Variants in COL17A1 observed in about 807,000 individuals in gnomAD.
The protein encoded by COL17A1 is collagen type XVII alpha 1 chain.
COL17A1 carries 181 observed loss-of-function variants against 218.4 expected under a neutral mutation model. The observed-to-expected ratio is 0.83, with a 90% CI of 0.73 to 0.94. COL17A1 has a LOEUF of 0.94. Ranked by LOEUF, COL17A1 falls within the 40% of genes least tolerant of loss-of-function variation. The pLI, the probability that COL17A1 is intolerant of heterozygous loss-of-function variation, is 0.00. For synonymous variants in COL17A1, 721 were observed against 731.0 expected, an observed-to-expected ratio of 0.99 and a Z score of 0.22; for missense variants, 1,924 against 1,945.9, an observed-to-expected ratio of 0.99 and a Z score of 0.21.
At chr10:104,048,968 C>T (rs961815994) in intron 29 of COL17A1, among the ~76,000 whole-genome samples, 3 of 152,080 alleles carry the variant, frequency 2.0e-5, no homozygotes, top group Admixed American at 6.5e-5. Flanking sequence ...GGATTACAGG[C>T]GTGAATCACT....
rs59808906 is a variant in COL17A1, at chr10:104,038,231, T to TACACAC, written c.3070+169_3070+174dup. Reference sequence around the variant, plus strand: ...CTGGGCCTGGACACATAGACACACATACACACACACACACACACACACACA... The same window carrying TACACAC: ...CTGGGCCTGGACACATAGACACACATACACACACACACACACACACACACACACACA... On this transcript the variant is annotated intron_variant, in intron 45 of 55. Transcript: ENST00000648076. 3.9e-3 allele frequency among the ~76,000 whole-genome samples: 551 copies of TACACAC among 142,048 alleles called. 3 individuals are homozygous for TACACAC. Among genetic ancestry groups the TACACAC allele is most frequent in the South Asian group, 7.1e-3 (31 of 4,344 alleles). The allele number at this position is 142,048 out of a possible 152,430, so 93.2% of individuals were successfully genotyped here. A position where few individuals can be genotyped will look rare whatever the true frequency, so the allele number is the denominator to read the frequency against.
chr10:104,073,270 T>C lies in COL17A1; in HGVS notation c.380-25A>G, dbSNP rs373092055. 1.1e-5 allele frequency: 17 copies of C among 1,610,796 alleles called. No individual in the cohort carries two copies. The African/African-American group carries it at 1.9e-4, about 18-fold the overall frequency. On this transcript the variant is annotated intron_variant, in intron 6 of 55. Transcript: ENST00000648076. Reference sequence around the variant, plus strand: ...GCTGAGAAACAAAGAAATGCATTTTTAGGCATATATAAGAGGTGGCATGCT... The same window carrying C: ...GCTGAGAAACAAAGAAATGCATTTTCAGGCATATATAAGAGGTGGCATGCT...
In COL17A1 at chr10:104,037,107, C is replaced by T. The variant is rs775373210; in HGVS notation, c.3215G>A (p.Gly1072Glu). ...SHVVSYLRTS[G>E]YGVSLFSSSI... is the part of the protein sequence containing the mutation. ...GGACGAGAACAAGCTGACACCGTAC[C>T]CCGAAGCTGTCGGGAAGAAAACCTC... is the stretch of plus-strand genomic sequence containing the variant. The change falls in exon 47 of 56, where the codon GGG (glycine) becomes GAG (glutamate). Residue 1072 changes from glycine (G) to glutamate (E), a missense_variant. Physicochemically the swap from Gly to Glu is moderately conservative, Grantham distance 98. Transcript: ENST00000648076. 6.2e-7 allele frequency: 1 copy of T among 1,604,840 alleles called. No homozygotes were observed. Among genetic ancestry groups the T allele is most frequent in the African/African-American group, 1.3e-5 (1 of 74,760 alleles).
At chr10:104,055,213 G>T in intron 19 of COL17A1, 159 bp downstream of exon 19, 2 of 1,449,108 alleles carry the variant, frequency 1.4e-6, no homozygotes, top group South Asian at 1.2e-5. Flanking sequence ...AAGATATTCT[G>T]ACTCTAAAAC....
rs1175248378 is a variant in COL17A1, at chr10:104,036,651, A to G, written c.3278-19T>C. The G allele has an allele frequency of 6.2e-7, 1 of 1,612,798 alleles. No individual in the cohort carries two copies. Among genetic ancestry groups the G allele is most frequent in the Non-Finnish European group, 8.5e-7 (1 of 1,179,698 alleles). On this transcript the variant is annotated intron_variant, in intron 47 of 55. Transcript: ENST00000648076. ...TCATCCCCTGGAGAGGAGAGGATGCACTAGCAGGACCCACCCAGGCCATGG... is the reference window on the plus strand; with the variant it reads ...TCATCCCCTGGAGAGGAGAGGATGCGCTAGCAGGACCCACCCAGGCCATGG...
At chr10:104,057,712 T>G (rs1197435243) in intron 16 of COL17A1, among the ~76,000 whole-genome samples, 1 of 152,026 alleles carries the variant, frequency 6.6e-6, no homozygotes, top group Non-Finnish European at 1.5e-5. Context: ...ATGAAAAGTG[T>G]TTTTAGTTCC....
In COL17A1 at chr10:104,034,773, C is replaced by G; in HGVS notation, c.3620-6G>C. 1 of 1,611,752 alleles carries G rather than the reference C, an allele frequency of 6.2e-7. No individual in the cohort carries two copies. Among genetic ancestry groups the G allele is most frequent in the Non-Finnish European group, 8.5e-7 (1 of 1,179,568 alleles). ...GATGAATGACAAGCCGGCAGCTGGG[C>G]AGAAGGAAGAGAAAGAAAGGTCGGG... On this transcript the variant is annotated splice_region_variant and splice_polypyrimidine_tract_variant and intron_variant, in intron 50 of 55. Transcript: ENST00000648076.
intron 44 of COL17A1, 42 bp from the exon 45 acceptor site, chr10:104,038,570 T>C (rs1488453299): frequency 1.2e-6 from 2 of 1,603,148 alleles, no homozygotes; most frequent in Non-Finnish European, 1.7e-6. Context: ...TTCTCCACCC[T>C]AGGGTCAGAC....
chr10:104,053,435 C>T (rs2086489808), intron 22 of COL17A1, among the ~76,000 whole-genome samples: 1 of 152,228 alleles, frequency 6.6e-6, no homozygotes, highest in Non-Finnish European at 1.5e-5. Flanking sequence ...CCTCTCGGCC[C>T]ATCCCTTTGG....
In COL17A1 at chr10:104,031,812, C is replaced by T. The variant is rs953932006; in HGVS notation, c.*423G>A. On this transcript the variant is annotated 3_prime_UTR_variant, in exon 56 of 56. Transcript: ENST00000648076. ...GCCTTAGAACAGTAACCAGAACACA[C>T]CCCCATCAAGTGTCACCTCCAGGAA... 3.8e-6 allele frequency: 1 copy of T among 262,842 alleles called. No individual in the cohort carries two copies. Among genetic ancestry groups the T allele is most frequent in the South Asian group, 4.9e-5 (1 of 20,518 alleles). 16.3% of individuals were successfully genotyped at this position (262,842 alleles called of 1,614,324 possible). A position where few individuals can be genotyped will look rare whatever the true frequency, so the allele number is the denominator to read the frequency against.
chr10:104,043,762 G>C (rs919153692), intron 34 of COL17A1, 63 bp downstream of exon 34: 2 of 1,594,328 alleles, frequency 1.3e-6, no homozygotes, highest in Non-Finnish European at 1.7e-6. Flanking sequence ...ACGCTGCAGA[G>C]TCAAGGTAGG....
Position 104,080,674 on chromosome 10 carries a change from AC to A in COL17A1, c.-2del. The A allele has an allele frequency of 5.6e-6, 9 of 1,613,292 alleles. No homozygotes were observed. The highest frequency in any genetic ancestry group is 7.6e-6 in the Non-Finnish European group (9 of 1,179,976). On this transcript the variant is annotated 5_prime_UTR_variant, in exon 2 of 56. Transcript: ENST00000648076. Reference sequence around the variant, plus strand: ...GTTTGTTTTTCTTGGTTACATCCATACCATAGCCACCTGCAGGAAAAATCAG... The same window carrying A: ...GTTTGTTTTTCTTGGTTACATCCATACATAGCCACCTGCAGGAAAAATCAG...
chr10:104,052,002 G>A (rs552310402), intron 24 of COL17A1, among the ~76,000 whole-genome samples, 153 bp downstream of exon 24: 1 of 152,142 alleles, frequency 6.6e-6, no homozygotes, highest in African/African-American at 2.4e-5. Flanking sequence ...TGCTTTTCTG[G>A]GGGATGCTCT....
At chr10:104,079,649 TG>T (rs1349275448) in intron 2 of COL17A1, among the ~76,000 whole-genome samples, 1 of 152,186 alleles carries the variant, frequency 6.6e-6, no homozygotes, top group Non-Finnish European at 1.5e-5. Context: ...AAATGTTGGC[TG>T]GGCGCAGTGG....
chr10:104,082,942 T>C (rs575760321), intron 1 of COL17A1, among the ~76,000 whole-genome samples: 5 of 152,302 alleles, frequency 3.3e-5, no homozygotes, highest in African/African-American at 1.2e-4. Context: ...GAGCTCCTCA[T>C]TGGAAGGTAC....
intron 52 of COL17A1, among the ~76,000 whole-genome samples, chr10:104,033,630 C>T (rs1442905525): frequency 6.6e-6 from 1 of 152,212 alleles, no homozygotes; most frequent in Non-Finnish European, 1.5e-5. Context: ...GGACTCTTAG[C>T]CAACATCCTT....
intron 4 of COL17A1, 71 bp downstream of exon 4, chr10:104,077,351 G>C: frequency 1.7e-6 from 2 of 1,211,072 alleles, no homozygotes; most frequent in Non-Finnish European, 2.4e-6. Context: ...TGTGTCCTGT[G>C]TAGGACTTTC....
At position 104,031,530 on chromosome 10, in the gene COL17A1, A is replaced by C. The variant is rs1243938517; in HGVS notation, c.*705T>G. The C allele has an allele frequency of 2.0e-5, 3 of 152,178 alleles. No individual in the cohort carries two copies. The highest frequency in any genetic ancestry group is 7.3e-5 in the African/African-American group (3 of 41,328). 9.4% of individuals were successfully genotyped at this position (152,178 alleles called of 1,614,324 possible). ...ATTCCTTCCTTGTCCATTGCCCTCAACCTTCTTTTTCTGTTTGCTCTGGCC... is the reference window on the plus strand; with the variant it reads ...ATTCCTTCCTTGTCCATTGCCCTCACCCTTCTTTTTCTGTTTGCTCTGGCC... On this transcript the variant is annotated 3_prime_UTR_variant, in exon 56 of 56. Transcript: ENST00000648076.
intron 9 of COL17A1, among the ~76,000 whole-genome samples, chr10:104,068,771 G>A (rs1025243940): frequency 6.6e-6 from 1 of 152,206 alleles, no homozygotes; most frequent in Non-Finnish European, 1.5e-5. Flanking sequence ...AAGCTGCTAA[G>A]CAAGCTTCCC....
Sources: gnomAD v4.1 joint callset for allele counts (sites outside exome capture counted in the v4.1 genomes callset) on GRCh38, gnomAD v4.1.1 for gene constraint, MANE v1.5 for transcripts, NCBI Gene and HGNC (gene_info 2026-07-23, HGNC 2026-07-21) for gene names.